Variants in CAMK1D observed in about 807,000 individuals in gnomAD.
CAMK1D encodes calcium/calmodulin-dependent protein kinase type 1D.
In CAMK1D, 9 loss-of-function variants were observed where a neutral mutation model predicts 47.7. That is an observed-to-expected ratio of 0.19 (90% CI 0.11 to 0.33). The LOEUF (loss-of-function observed/expected upper bound fraction) is 0.33. Among genes scored for constraint, CAMK1D ranks in the 10% least tolerant of loss-of-function variants. The pLI is 1.00. For missense variants in CAMK1D, 291 were observed against 488.7 expected, an observed-to-expected ratio of 0.60 and a Z score of 3.81; for synonymous variants, 184 against 184.9, an observed-to-expected ratio of 0.99 and a Z score of 0.04.
intron 1 of CAMK1D, among the ~76,000 whole-genome samples, chr10:12,520,943 AGGGAGG>A (rs1204273363): frequency 0.028 from 76 of 2,750 alleles, 13 homozygotes; most frequent in South Asian, 0.1. Flanking sequence ...GGAGAGGGAG[AGGGAGG>A]GGGAGGGGGA....
intron 5 of CAMK1D, among the ~76,000 whole-genome samples, chr10:12,790,147 C>T (rs1450061166): frequency 1.3e-5 from 2 of 152,230 alleles, no homozygotes. Flanking sequence ...CAAGCCCAAG[C>T]CCCCAGCATG....
intron 1 of CAMK1D, among the ~76,000 whole-genome samples, chr10:12,462,468 ATT>A (rs11343025): frequency 0.13 from 18,840 of 146,928 alleles, 1,197 homozygotes; most frequent in South Asian, 0.16. Flanking sequence ...CTGGCCAAGA[ATT>A]TTTTTTTTTT....
intron 2 of CAMK1D, among the ~76,000 whole-genome samples, chr10:12,608,723 C>T (rs1385658849): frequency 6.6e-6 from 1 of 152,164 alleles, no homozygotes; most frequent in African/African-American, 2.4e-5. Context: ...TATAAAATCC[C>T]GCGTCTCTTC....
intron 6 of CAMK1D, among the ~76,000 whole-genome samples, chr10:12,802,079 C>G (rs767793092): frequency 1.3e-5 from 2 of 152,198 alleles, no homozygotes; most frequent in African/African-American, 2.4e-5. Context: ...TTGCCATTAA[C>G]TAATGATTAT....
intron 1 of CAMK1D, among the ~76,000 whole-genome samples, chr10:12,544,652 A>G (rs538248045): frequency 2.6e-5 from 4 of 152,356 alleles, no homozygotes; most frequent in African/African-American, 9.6e-5. Flanking sequence ...TTGCATTGAA[A>G]CTTAAAGAAA....
chr10:12,457,069 T>C (rs778446461), intron 1 of CAMK1D, among the ~76,000 whole-genome samples: 15 of 152,096 alleles, frequency 9.9e-5, no homozygotes, highest in Non-Finnish European at 1.6e-4. Context: ...AGTGGAACGC[T>C]ATGCAGCTGT....
At chr10:12,791,867 A>G (rs773806924) in intron 6 of CAMK1D, among the ~76,000 whole-genome samples, 5 of 152,136 alleles carry the variant, frequency 3.3e-5, no homozygotes, top group African/African-American at 1.2e-4. Context: ...TGGTAGTTCT[A>G]CCTTGAATTT....
intron 2 of CAMK1D, among the ~76,000 whole-genome samples, chr10:12,660,329 A>G (rs1840239289): frequency 6.6e-6 from 1 of 152,182 alleles, no homozygotes; most frequent in African/African-American, 2.4e-5. Flanking sequence ...GAACTGGGGT[A>G]CATGAGGCTG....
intron 2 of CAMK1D, among the ~76,000 whole-genome samples, chr10:12,562,950 C>T (rs1836989570): frequency 1.3e-5 from 2 of 152,210 alleles, no homozygotes; most frequent in South Asian, 2.1e-4. Flanking sequence ...TGCTGACTTC[C>T]AGTTCTCTCT....
chr10:12,799,647 T>G (rs1361561597), intron 6 of CAMK1D, among the ~76,000 whole-genome samples: 1 of 152,192 alleles, frequency 6.6e-6, no homozygotes, highest in Admixed American at 6.5e-5. Context: ...CTCCTCTGCT[T>G]TGTCCCAGGT....
chr10:12,551,079 TG>T (rs1836562173), intron 1 of CAMK1D, among the ~76,000 whole-genome samples: 1 of 152,218 alleles, frequency 6.6e-6, no homozygotes. Context: ...CCCTGGGCCA[TG>T]GGCCAATACC....
intron 3 of CAMK1D, 124 bp downstream of exon 3, chr10:12,666,934 G>C: frequency 1.3e-6 from 1 of 766,116 alleles, no homozygotes; most frequent in Non-Finnish European, 2.2e-6. Flanking sequence ...AGGGAGGCCT[G>C]TGGGATACTA....
chr10:12,596,457 C>T (rs1376315652), intron 2 of CAMK1D, among the ~76,000 whole-genome samples: 1 of 152,162 alleles, frequency 6.6e-6, no homozygotes, highest in African/African-American at 2.4e-5. Flanking sequence ...TTTCACTTTA[C>T]AGTTTACATT....
chr10:12,615,437 AGTGTGTGC>A (rs966146863), intron 2 of CAMK1D, among the ~76,000 whole-genome samples: 2 of 151,400 alleles, frequency 1.3e-5, no homozygotes, highest in African/African-American at 4.9e-5. Flanking sequence ...TGAGTGTGTG[AGTGTGTGC>A]ATGTGTGTGT....
chr10:12,467,714 G>C (rs1833633863), intron 1 of CAMK1D, among the ~76,000 whole-genome samples: 1 of 152,176 alleles, frequency 6.6e-6, no homozygotes, highest in Admixed American at 6.5e-5. Flanking sequence ...CCATTGTAGG[G>C]ATGGCATATG....
chr10:12,734,348 ATATATAT>A (rs1835043769), intron 3 of CAMK1D, among the ~76,000 whole-genome samples: 28 of 5,320 alleles, frequency 5.3e-3, no homozygotes, highest in Non-Finnish European at 1.0e-2. Context: ...AAAAAAAAAT[ATATATAT>A]ATATATATAT....
intron 1 of CAMK1D, among the ~76,000 whole-genome samples, chr10:12,391,373 C>T (rs1312484609): frequency 1.3e-5 from 2 of 152,146 alleles, no homozygotes; most frequent in Non-Finnish European, 2.9e-5. Flanking sequence ...GAAAATACAT[C>T]AAGCAATCAA....
intron 5 of CAMK1D, among the ~76,000 whole-genome samples, chr10:12,783,543 T>C (rs796656414): frequency 1.3e-5 from 2 of 151,214 alleles, no homozygotes; most frequent in African/African-American, 2.4e-5. Flanking sequence ...TCCTTGGGGC[T>C]CGGGAAAGGG....
chr10:12,776,386 A>G lies in CAMK1D; in HGVS notation c.565+6587A>G, dbSNP rs75899790. Reference sequence around the variant, plus strand: ...GCTTGGTTTCAATTTGTTAAAGTTGACTAAGCCAAGAGGGCAGCTGGAACA... The same window carrying G: ...GCTTGGTTTCAATTTGTTAAAGTTGGCTAAGCCAAGAGGGCAGCTGGAACA... On this transcript the variant is annotated intron_variant, in intron 5 of 10. Coordinates refer to ENST00000619168, the MANE Select transcript of CAMK1D (RefSeq NM_153498.4). Among the ~76,000 whole-genome samples, 829 of 152,320 alleles carry G rather than the reference A, an allele frequency of 5.4e-3. 11 individuals are homozygous for G. Among genetic ancestry groups the G allele is most frequent in the African/African-American group, 0.019 (792 of 41,566 alleles).
Sources: allele counts gnomAD v4.1 joint callset (sites outside exome capture counted in the v4.1 genomes callset), GRCh38; gene constraint gnomAD v4.1.1; transcripts MANE v1.5; gene names NCBI Gene and HGNC (gene_info 2026-07-23, HGNC 2026-07-21).